Variants in EDC3 observed in about 807,000 individuals in gnomAD.
EDC3 encodes enhancer of mRNA-decapping protein 3.
Under a neutral mutation model 41.8 loss-of-function variants are expected in EDC3, and 20 were observed. The observed-to-expected ratio is 0.48, with a 90% CI of 0.34 to 0.70. The LOEUF (loss-of-function observed/expected upper bound fraction) is 0.70, where lower values mean the gene tolerates loss of function less well. Among genes scored for constraint, EDC3 ranks in the 30% least tolerant of loss-of-function variants. The pLI, the probability that EDC3 is intolerant of heterozygous loss-of-function variation, is 0.01. For missense variants in EDC3, 444 were observed against 636.8 expected (o/e 0.70, Z 3.26); for synonymous variants, 206 against 243.2 (o/e 0.85, Z 1.42).
In EDC3 at chr15:74,671,846, A is replaced by G; in HGVS notation, c.165-72T>C. ...GAATGATGAAACTGAGATCATTAGCAAACAGCTACCCCTTTGCAGGACTGC... is the reference window on the plus strand; with the variant it reads ...GAATGATGAAACTGAGATCATTAGCGAACAGCTACCCCTTTGCAGGACTGC... On this transcript the variant is annotated intron_variant, in intron 2 of 6. Transcript: ENST00000315127. The surrounding 1 kb of genome is among the most constrained non-coding windows in gnomAD (Gnocchi z 4.6). 1 of 1,452,092 alleles carries G rather than the reference A, an allele frequency of 6.9e-7. No homozygotes were observed. The highest frequency in any genetic ancestry group is 1.2e-5 in the South Asian group (1 of 81,660). 90.0% of individuals were successfully genotyped at this position (1,452,092 alleles called of 1,614,324 possible). A position where few individuals can be genotyped will look rare whatever the true frequency, so the allele number is the denominator to read the frequency against.
At chr15:74,676,464 G>A (rs2062808247) in intron 1 of EDC3, among the ~76,000 whole-genome samples, 1 of 151,358 alleles carries the variant, frequency 6.6e-6, no homozygotes, top group Non-Finnish European at 1.5e-5. Context: ...TAATAAAGTT[G>A]GTAAACACCT....
chr15:74,673,411 G>A (rs2062762664), intron 2 of EDC3, among the ~76,000 whole-genome samples: 1 of 152,074 alleles, frequency 6.6e-6, no homozygotes, highest in Non-Finnish European at 1.5e-5. Context: ...GTATGCCCTT[G>A]GAAAAACAAA....
intron 4 of EDC3, among the ~76,000 whole-genome samples, chr15:74,654,561 C>CG (rs1821420337): frequency 6.6e-6 from 1 of 152,144 alleles, no homozygotes; most frequent in African/African-American, 2.4e-5. Flanking sequence ...CGAAGGACTT[C>CG]GGCAAGTTAC....
chr15:74,684,491 A>AAAG (rs2062913400), intron 1 of EDC3, among the ~76,000 whole-genome samples: 1 of 151,632 alleles, frequency 6.6e-6, no homozygotes, highest in Admixed American at 6.6e-5. Context: ...AAAAAAAAAA[A>AAAG]AAAAAAAAGG....
intron 1 of EDC3, among the ~76,000 whole-genome samples, chr15:74,684,621 G>GAA (rs35655079): frequency 7.1e-6 from 1 of 140,792 alleles, no homozygotes; most frequent in Non-Finnish European, 1.6e-5. Context: ...ACAAGAAAAA[G>GAA]AAAAAAAAAA....
At chr15:74,684,084 G>GTTTTTTTTTTTT (rs58548595) in intron 1 of EDC3, among the ~76,000 whole-genome samples, 1 of 103,056 alleles carries the variant, frequency 9.7e-6, no homozygotes. Context: ...TTTTGTTTCT[G>GTTTTTTTTTTTT]TTTTTTTTTT....
intron 1 of EDC3, among the ~76,000 whole-genome samples, chr15:74,679,378 A>T (rs181490547): frequency 2.6e-5 from 4 of 152,280 alleles, no homozygotes; most frequent in Admixed American, 2.6e-4. Context: ...AAATTTTAAA[A>T]GTCTAATATA....
At chr15:74,674,895 T>G in intron 2 of EDC3, 66 bp downstream of exon 2, 1 of 1,577,188 alleles carries the variant, frequency 6.3e-7, no homozygotes. Context: ...ATACTAGCAA[T>G]CAGACCTAGG....
In EDC3 at chr15:74,671,842, T is replaced by A; in HGVS notation, c.165-68A>T. ...GTAAGAATGATGAAACTGAGATCAT[T>A]AGCAAACAGCTACCCCTTTGCAGGA... On this transcript the variant is annotated intron_variant, in intron 2 of 6. Transcript: ENST00000315127. This position sits in a 1 kb window ranked among gnomAD's most constrained non-coding sequence, Gnocchi z 4.6. 6.8e-7 allele frequency: 1 copy of A among 1,474,062 alleles called. No individual in the cohort carries two copies. Among genetic ancestry groups the A allele is most frequent in the Non-Finnish European group, 9.4e-7 (1 of 1,065,740 alleles). 91.3% of individuals were successfully genotyped at this position (1,474,062 alleles called of 1,614,324 possible).
intron 1 of EDC3, among the ~76,000 whole-genome samples, chr15:74,678,856 C>CTA (rs1452959011): frequency 6.9e-6 from 1 of 144,534 alleles, no homozygotes; most frequent in Non-Finnish European, 1.5e-5. Context: ...CACCATTGCA[C>CTA]TACAGCTTGG....
At chr15:74,686,893 C>T (rs541726039) in intron 1 of EDC3, among the ~76,000 whole-genome samples, 6 of 152,010 alleles carry the variant, frequency 3.9e-5, no homozygotes, top group South Asian at 4.2e-4. Flanking sequence ...CCGACGTGGA[C>T]GGCATGGTGG....
chr15:74,668,430 A>G (rs970539731), intron 3 of EDC3, among the ~76,000 whole-genome samples: 3 of 152,350 alleles, frequency 2.0e-5, no homozygotes, highest in South Asian at 2.1e-4. Flanking sequence ...ATGAATTGCT[A>G]ATAAGGGTCA....
intron 1 of EDC3, among the ~76,000 whole-genome samples, chr15:74,686,230 C>A (rs1001127601): frequency 2.0e-5 from 3 of 152,036 alleles, no homozygotes; most frequent in Non-Finnish European, 4.4e-5. Flanking sequence ...GAGGCTGAAG[C>A]AGGAGAATCG....
intron 4 of EDC3, 108 bp from the exon 5 acceptor site, chr15:74,640,727 A>AC (rs2062340912): frequency 7.2e-7 from 1 of 1,388,302 alleles, no homozygotes. Context: ...ACCATGGATC[A>AC]CCCCTGGCCC....
chr15:74,670,836 G>A (rs2062730581), intron 3 of EDC3, among the ~76,000 whole-genome samples: 1 of 152,090 alleles, frequency 6.6e-6, no homozygotes, highest in Non-Finnish European at 1.5e-5. Flanking sequence ...TGTGTCAGTA[G>A]GAACAAATAC....
intron 4 of EDC3, among the ~76,000 whole-genome samples, chr15:74,650,255 C>G (rs1296749711): frequency 6.6e-6 from 1 of 152,218 alleles, no homozygotes; most frequent in Non-Finnish European, 1.5e-5. Flanking sequence ...AAGGATAGCA[C>G]TGGCACACAA....
chr15:74,685,308 C>T (rs1450647326), intron 1 of EDC3, among the ~76,000 whole-genome samples: 1 of 152,104 alleles, frequency 6.6e-6, no homozygotes, highest in African/African-American at 2.4e-5. Flanking sequence ...AATGCTGAGA[C>T]AGGAGGACCA....
At position 74,655,849 on chromosome 15, in the gene EDC3, C is replaced by T; in HGVS notation, c.704G>A (p.Gly235Asp). 6.2e-7 allele frequency: 1 copy of T among 1,614,074 alleles called. No individual in the cohort carries two copies. The highest frequency in any genetic ancestry group is 8.5e-7 in the Non-Finnish European group (1 of 1,180,026). ...CCGAGTGGGCCTTTCATTTGGGATG[C>T]CCCGGGAACGGGTACCACTTCTCCT... ...YERRSGTRSR[G>D]IPNERPTRYR... The change falls in exon 4 of 7, where the codon GGC becomes GAC. Residue 235 changes from glycine (G) to aspartate (D), a missense_variant. Around this residue, in one of 3 missense-constraint regions of EDC3, gnomAD observed 242 missense variants for 363.8 expected, o/e 0.67. Coordinates refer to ENST00000315127, the MANE Select transcript of EDC3 (RefSeq NM_025083.5).
In EDC3 at chr15:74,695,944, G is replaced by A. The variant is rs1230117939; in HGVS notation, c.-83C>T. The A allele has an allele frequency of 6.5e-6, 1 of 152,678 alleles. No individual in the cohort carries two copies. The highest frequency in any genetic ancestry group is 1.5e-5 in the Non-Finnish European group (1 of 68,380). The allele number at this position is 152,678 out of a possible 1,614,324, so 9.5% of individuals were successfully genotyped here. Reference sequence around the variant, plus strand: ...CCAAGCCGACCACTCAACACCAGAGGACCCACAGAAGAATTCTCTCCACGC... The same window carrying A: ...CCAAGCCGACCACTCAACACCAGAGAACCCACAGAAGAATTCTCTCCACGC... On this transcript the variant is annotated 5_prime_UTR_variant, in exon 1 of 7. Transcript: ENST00000315127.
Sources: gnomAD v4.1 joint callset for allele counts (sites outside exome capture counted in the v4.1 genomes callset) on GRCh38, gnomAD v4.1.1 for gene constraint, gnomAD v4.1.1 regional missense constraint, Gnocchi (gnomAD v3.1) non-coding constraint, MANE v1.5 for transcripts, NCBI Gene and HGNC (gene_info 2026-07-23, HGNC 2026-07-21) for gene names.